Variants in ASAH1 observed in about 807,000 individuals in gnomAD.
ASAH1 encodes the protein acid ceramidase.
Under a neutral mutation model 59.5 loss-of-function variants are expected in ASAH1, and 70 were observed. The ratio of observed to expected loss-of-function variants is 1.18; its 90% CI spans 0.97 to 1.43. The LOEUF is 1.43. ASAH1 is among the 40% of genes most tolerant of loss of function. ASAH1 has a pLI of 0.00. For missense variants in ASAH1, 660 were observed against 482.5 expected (o/e 1.37, Z -3.45); for synonymous variants, 213 against 166.5 (o/e 1.28, Z -2.15).
intron 2 of ASAH1, among the ~76,000 whole-genome samples, chr8:18,074,866 A>C (rs971706105): frequency 5.3e-5 from 8 of 152,168 alleles, no homozygotes; most frequent in African/African-American, 1.9e-4. Context: ...TTTTTGTTAC[A>C]ATATAATTTG....
At chr8:18,084,793 G>C, upstream of ASAH1, 1 of 1,613,480 alleles carries the variant, frequency 6.2e-7, no homozygotes, top group South Asian at 1.1e-5. Flanking sequence ...GCCCGATGCA[G>C]CAGTTCATTA....
intron 5 of ASAH1, chr8:18,065,880 CATTGTGTGTGTG>C (rs1799907937): frequency 9.6e-6 from 1 of 104,638 alleles, no homozygotes; most frequent in Non-Finnish European, 2.1e-5. Flanking sequence ...TACAGATACA[CATTGTGTGTGTG>C]TGTGTGTGTG....
chr8:18,057,008 T>C lies in ASAH1; in HGVS notation c.*526A>G, dbSNP rs1049928909. Reference sequence around the variant, plus strand: ...AATGTCTGTCTCATCCCTCTAATCATATGTAATAAAATTATATCGCTGTCA... The same window carrying C: ...AATGTCTGTCTCATCCCTCTAATCACATGTAATAAAATTATATCGCTGTCA... On this transcript the variant is annotated 3_prime_UTR_variant, in exon 14 of 14. Transcript: ENST00000637790. 6 of 162,160 alleles carry C rather than the reference T, an allele frequency of 3.7e-5. No homozygotes were observed. Among genetic ancestry groups the C allele is most frequent in the African/African-American group, 1.4e-4 (6 of 41,584 alleles). The allele number at this position is 162,160 out of a possible 1,614,324, so 10.0% of individuals were successfully genotyped here. A position where few individuals can be genotyped will look rare whatever the true frequency, so the allele number is the denominator to read the frequency against.
intron 1 of ASAH1, chr8:18,083,221 T>G (rs1589010626): frequency 6.6e-6 from 1 of 152,212 alleles, no homozygotes; most frequent in Admixed American, 6.5e-5. Context: ...TCTGATTGCT[T>G]TATAAAGAAA....
intron 2 of ASAH1, 114 bp from the exon 3 acceptor site, chr8:18,071,504 G>A (rs1800177266): frequency 1.3e-6 from 1 of 757,490 alleles, no homozygotes; most frequent in South Asian, 1.5e-5. Context: ...TGTAGAATTT[G>A]GTTACCCAAA....
rs1290806735 is a variant in ASAH1 at position 18,056,340 on chromosome 8, T to A, written c.*1194A>T. 1 of 152,176 alleles carries A rather than the reference T, an allele frequency of 6.6e-6. No individual in the cohort carries two copies. The highest frequency in any genetic ancestry group is 1.9e-4 in the East Asian group (1 of 5,194). 9.4% of individuals were successfully genotyped at this position (152,176 alleles called of 1,614,324 possible). On this transcript the variant is annotated 3_prime_UTR_variant, in exon 14 of 14. Transcript: ENST00000637790. ...TTTAATAACCCACTTACATAACCCT[T>A]GTTATTTAATTCAGATACGATGTTC...
upstream of ASAH1, chr8:18,084,422 G>C: frequency 2.2e-6 from 3 of 1,382,188 alleles, no homozygotes; most frequent in Non-Finnish European, 1.9e-6. Flanking sequence ...GCGCCTCGAT[G>C]GGGCGCCTCT....
In ASAH1 at chr8:18,083,998, C is replaced by A; in HGVS notation, c.61G>T (p.Ala21Ser). Residue 21 changes from alanine to serine, a missense_variant, in exon 1 of 14, where the codon GCG becomes TCG. Ala to Ser is a moderately conservative substitution (Grantham distance 99, BLOSUM62 1). Coordinates refer to ENST00000637790, the MANE Select transcript of ASAH1 (RefSeq NM_177924.5). ...LLAAAVSCAVAQHAPPWTEDC... is the reference protein window; with the variant it reads ...LLAAAVSCAVSQHAPPWTEDC... ...TCACTCACCGGCGGCGCGTGCTGCG[C>A]GACGGCACAGCTGACGGCGGCAGCC... 6.3e-7 allele frequency: 1 copy of A among 1,598,076 alleles called. No homozygotes were observed. The highest frequency in any genetic ancestry group is 8.5e-7 in the Non-Finnish European group (1 of 1,179,452).
chr8:18,075,330 C>T (rs906907997), intron 2 of ASAH1, among the ~76,000 whole-genome samples: 4 of 152,092 alleles, frequency 2.6e-5, no homozygotes, highest in Admixed American at 6.6e-5. Flanking sequence ...GATAGTCTAG[C>T]GACGGGCATT....
intron 3 of ASAH1, among the ~76,000 whole-genome samples, chr8:18,070,253 G>T (rs962225225): frequency 6.6e-6 from 1 of 152,112 alleles, no homozygotes; most frequent in Non-Finnish European, 1.5e-5. Flanking sequence ...GGGTTCAAGC[G>T]ATTCTCTTGC....
intron 5 of ASAH1, 92 bp downstream of exon 5, chr8:18,067,128 C>A: frequency 1.8e-6 from 1 of 563,064 alleles, no homozygotes; most frequent in South Asian, 5.2e-5. Flanking sequence ...CTAAGACATA[C>A]AGCACCTGTG....
At chr8:18,083,855 A>T (rs2117106656) in intron 1 of ASAH1, 126 bp downstream of exon 1, 1 of 1,513,858 alleles carries the variant, frequency 6.6e-7, no homozygotes, top group Non-Finnish European at 8.8e-7. Context: ...ACGAAACCAC[A>T]GACCCCCGTA....
At chr8:18,084,651 G>A (rs747853735), upstream of ASAH1, 4 of 1,612,850 alleles carry the variant, frequency 2.5e-6, no homozygotes, top group Non-Finnish European at 2.5e-6. Flanking sequence ...ATCCACTCGG[G>A]TCCTCCAAGC....
At chr8:18,077,940 T>A (rs747224739) in intron 1 of ASAH1, among the ~76,000 whole-genome samples, 3 of 152,220 alleles carry the variant, frequency 2.0e-5, no homozygotes, top group Non-Finnish European at 4.4e-5. Flanking sequence ...CTTAATTTTA[T>A]GATCATGTTG....
chr8:18,069,971 T>C, intron 3 of ASAH1, 93 bp from the exon 4 acceptor site: 8 of 801,328 alleles, frequency 1.0e-5, no homozygotes, highest in Non-Finnish European at 1.6e-5. Context: ...AAGAGAGTGC[T>C]ATTTGACAAT....
intron 10 of ASAH1, 128 bp downstream of exon 10, chr8:18,061,249 A>G (rs1337345970): frequency 4.0e-6 from 3 of 759,276 alleles, no homozygotes; most frequent in Non-Finnish European, 6.5e-6. Context: ...CATGAGTGTC[A>G]GAGGTTCACC....
In ASAH1 at chr8:18,057,317, C is replaced by G; in HGVS notation, c.*217G>C. 2 of 372,850 alleles carry G rather than the reference C, an allele frequency of 5.4e-6. No homozygotes were observed. The highest frequency in any genetic ancestry group is 1.0e-5 in the Non-Finnish European group (2 of 192,188). 23.1% of individuals were successfully genotyped at this position (372,850 alleles called of 1,614,324 possible). On this transcript the variant is annotated 3_prime_UTR_variant, in exon 14 of 14. Coordinates refer to ENST00000637790, the MANE Select transcript of ASAH1 (RefSeq NM_177924.5). The stretch of plus-strand genomic sequence containing the variant: ...GAATTCTAGATGACTGTTTTACTTC[C>G]CCTAAAGAAGTTATCTGTAAATAAG...
intron 1 of ASAH1, among the ~76,000 whole-genome samples, chr8:18,081,635 G>A (rs1440637669): frequency 3.3e-5 from 5 of 152,268 alleles, no homozygotes; most frequent in South Asian, 2.1e-4. Context: ...CTTCACATAG[G>A]AATATTGTGA....
At chr8:18,074,171 G>A (rs933264260) in intron 2 of ASAH1, among the ~76,000 whole-genome samples, 1 of 152,208 alleles carries the variant, frequency 6.6e-6, no homozygotes, top group Non-Finnish European at 1.5e-5. Flanking sequence ...AATTGGGGCA[G>A]TGAGACCAAC....
Sources: gnomAD v4.1 joint callset for allele counts (sites outside exome capture counted in the v4.1 genomes callset) on GRCh38, gnomAD v4.1.1 for gene constraint, MANE v1.5 for transcripts, NCBI Gene and HGNC (gene_info 2026-07-23, HGNC 2026-07-21) for gene names.